CNTN5: variants seen among roughly 807,000 people sequenced by gnomAD.
CNTN5 encodes the protein contactin-5.
Under a neutral mutation model 129.1 loss-of-function variants are expected in CNTN5, and 77 were observed. The ratio of observed to expected loss-of-function variants is 0.60; its 90% CI spans 0.50 to 0.72. CNTN5 has a LOEUF of 0.72. Ranked by LOEUF, CNTN5 falls within the 30% of genes least tolerant of loss-of-function variation. The pLI is 0.00. For missense variants in CNTN5, 1,478 were observed against 1,328.8 expected (o/e 1.11, Z -1.75); for synonymous variants, 509 against 465.6 (o/e 1.09, Z -1.20).
chr11:99,965,631 A>G (rs901593235), intron 8 of CNTN5, among the ~76,000 whole-genome samples: 1 of 152,116 alleles, frequency 6.6e-6, no homozygotes, highest in Non-Finnish European at 1.5e-5. Context: ...AAGAATGTAT[A>G]TTTTGTTGAT....
At chr11:99,466,842 C>T (rs1412233701) in intron 2 of CNTN5, among the ~76,000 whole-genome samples, 3 of 151,850 alleles carry the variant, frequency 2.0e-5, no homozygotes, top group Admixed American at 1.3e-4. Flanking sequence ...TTTTTAAATA[C>T]GGATTTCATA....
intron 1 of CNTN5, among the ~76,000 whole-genome samples, chr11:99,260,893 G>C (rs1001961803): frequency 6.6e-6 from 1 of 151,848 alleles, no homozygotes; most frequent in African/African-American, 2.4e-5. Context: ...ATCACTGATG[G>C]GAAATTCCAA....
At chr11:99,067,431 A>G (rs1363949435) in intron 1 of CNTN5, among the ~76,000 whole-genome samples, 1 of 152,132 alleles carries the variant, frequency 6.6e-6, no homozygotes, top group East Asian at 1.9e-4. Context: ...GACTAAAAAA[A>G]AAAAAAAAAG....
In CNTN5 at chr11:99,036,149, G is replaced by T. The variant is rs537212093; in HGVS notation, c.-210+14879G>T. 3.3e-5 allele frequency among the ~76,000 whole-genome samples: 5 copies of T among 151,914 alleles called. No individual in the cohort carries two copies. The East Asian group carries it at 9.7e-4, about 29-fold the overall frequency. ...TTCTGCCCATGGCTTATTTTTTCAC[G>T]TTGCGTATCGAAATGCCAGCTATTC... On this transcript the variant is annotated intron_variant, in intron 1 of 24. Coordinates refer to ENST00000524871, the MANE Select transcript of CNTN5 (RefSeq NM_014361.4).
At chr11:99,367,049 A>C (rs1326313719) in intron 2 of CNTN5, among the ~76,000 whole-genome samples, 1 of 152,178 alleles carries the variant, frequency 6.6e-6, no homozygotes, top group Non-Finnish European at 1.5e-5. Flanking sequence ...AAATGTTTTT[A>C]TGGTATTATG....
intron 3 of CNTN5, among the ~76,000 whole-genome samples, chr11:99,740,684 A>G (rs1469529071): frequency 1.3e-5 from 2 of 152,148 alleles, no homozygotes; most frequent in African/African-American, 4.8e-5. Flanking sequence ...ATAATTATCA[A>G]CCTGCACCAT....
At chr11:99,972,356 G>A (rs1231288115) in intron 8 of CNTN5, among the ~76,000 whole-genome samples, 1 of 152,106 alleles carries the variant, frequency 6.6e-6, no homozygotes, top group Non-Finnish European at 1.5e-5. Context: ...GTCCTAGAAA[G>A]CAGCCTTTTT....
chr11:99,207,787 A>G (rs190772119), intron 1 of CNTN5, among the ~76,000 whole-genome samples: 1 of 152,302 alleles, frequency 6.6e-6, no homozygotes, highest in African/African-American at 2.4e-5. Context: ...TCTGCATTTC[A>G]AGTGGTCTAC....
At chr11:99,935,271 T>A (rs1159087239) in intron 7 of CNTN5, among the ~76,000 whole-genome samples, 1 of 151,914 alleles carries the variant, frequency 6.6e-6, no homozygotes, top group Non-Finnish European at 1.5e-5. Context: ...ACTGTTTTCT[T>A]AGTTCCCCCA....
At chr11:99,745,140 A>G (rs1944013422) in intron 3 of CNTN5, among the ~76,000 whole-genome samples, 1 of 152,196 alleles carries the variant, frequency 6.6e-6, no homozygotes, top group African/African-American at 2.4e-5. Flanking sequence ...CTTGGTTTGG[A>G]AACGATTCCC....
At chr11:99,611,968 G>C (rs1489215230) in intron 3 of CNTN5, among the ~76,000 whole-genome samples, 1 of 152,122 alleles carries the variant, frequency 6.6e-6, no homozygotes, top group African/African-American at 2.4e-5. Context: ...AAAAAGCAGA[G>C]TTAACAGGGG....
intron 2 of CNTN5, among the ~76,000 whole-genome samples, chr11:99,410,975 T>G (rs1403871622): frequency 6.6e-6 from 1 of 152,194 alleles, no homozygotes; most frequent in Non-Finnish European, 1.5e-5. Context: ...TTTCCCAAAT[T>G]TATTTGCGTA....
intron 6 of CNTN5, among the ~76,000 whole-genome samples, chr11:99,908,304 T>A (rs562923411): frequency 3.3e-5 from 5 of 152,132 alleles, no homozygotes; most frequent in East Asian, 3.9e-4. Context: ...GCGTGAAAGC[T>A]TGAGAGACAA....
chr11:99,628,616 AC>A (rs1314579101), intron 3 of CNTN5, among the ~76,000 whole-genome samples: 12 of 85,470 alleles, frequency 1.4e-4, no homozygotes, highest in Non-Finnish European at 3.5e-4. Context: ...ATAATGACAC[AC>A]ACACACACAC....
chr11:99,571,025 G>A (rs1949159186), intron 3 of CNTN5, among the ~76,000 whole-genome samples: 1 of 152,132 alleles, frequency 6.6e-6, no homozygotes, highest in Non-Finnish European at 1.5e-5. Context: ...CAGACAAAGA[G>A]TCTGTGACAA....
chr11:100,291,616 G>C (rs895150158), intron 18 of CNTN5, among the ~76,000 whole-genome samples: 7 of 151,864 alleles, frequency 4.6e-5, no homozygotes, highest in African/African-American at 1.7e-4. Flanking sequence ...GGTGGGGAAG[G>C]GGGAGGGATA....
At chr11:100,266,631 T>C (rs1033298819) in intron 17 of CNTN5, among the ~76,000 whole-genome samples, 4 of 3,850 alleles carry the variant, frequency 1.0e-3, no homozygotes, top group African/African-American at 2.3e-3. Flanking sequence ...TTTCCAAATC[T>C]TTTTTTTTTT....
chr11:100,013,397 A>T (rs1012613341), intron 9 of CNTN5, among the ~76,000 whole-genome samples: 6 of 152,144 alleles, frequency 3.9e-5, no homozygotes, highest in Non-Finnish European at 8.8e-5. Flanking sequence ...TGTATCCCAT[A>T]CCCCTACAAG....
intron 1 of CNTN5, among the ~76,000 whole-genome samples, chr11:99,172,228 A>G (rs1861180964): frequency 6.6e-6 from 1 of 152,206 alleles, no homozygotes; most frequent in Admixed American, 6.5e-5. Flanking sequence ...AAAATAAGAT[A>G]ATTACACTAA....
Sources: gnomAD v4.1 joint callset for allele counts (sites outside exome capture counted in the v4.1 genomes callset) on GRCh38, gnomAD v4.1.1 for gene constraint, MANE v1.5 for transcripts, NCBI Gene and HGNC (gene_info 2026-07-23, HGNC 2026-07-21) for gene names.